The following TMEM132D variants were observed in gnomAD, a reference collection of about 807,000 sequenced individuals.
TMEM132D encodes mature OL transmembrane protein.
A neutral mutation model predicts 62.3 loss-of-function variants in TMEM132D; 21 were observed. That is an observed-to-expected ratio of 0.34 (90% CI 0.24 to 0.49). The LOEUF (loss-of-function observed/expected upper bound fraction) is 0.49. Among genes scored for constraint, TMEM132D ranks in the 20% least tolerant of loss-of-function variants. The pLI is 0.99. For synonymous variants in TMEM132D, 621 were observed against 575.6 expected, an observed-to-expected ratio of 1.08 and a Z score of -1.13; for missense variants, 1,346 against 1,402.8, an observed-to-expected ratio of 0.96 and a Z score of 0.65.
At chr12:129,519,346 A>T (rs1166305901) in intron 3 of TMEM132D, among the ~76,000 whole-genome samples, 1 of 152,122 alleles carries the variant, frequency 6.6e-6, no homozygotes, top group African/African-American at 2.4e-5. Context: ...TTCAAAATGT[A>T]CCCTGCCCTG....
At chr12:129,789,042 T>C (rs73429377) in intron 1 of TMEM132D, among the ~76,000 whole-genome samples, 14,690 of 152,228 alleles carry the variant, frequency 0.097, 947 homozygotes, top group African/African-American at 0.18. Flanking sequence ...AAATCACGGA[T>C]GGTTTTAATC....
chr12:129,308,066 T>C (rs1040263430), intron 4 of TMEM132D, among the ~76,000 whole-genome samples: 12 of 152,302 alleles, frequency 7.9e-5, no homozygotes, highest in African/African-American at 2.4e-4. Context: ...GCAACATCCA[T>C]ATCCTTTGCA....
intron 1 of TMEM132D, among the ~76,000 whole-genome samples, chr12:129,847,219 T>C (rs4340090): frequency 0.16 from 24,325 of 152,214 alleles, 2,154 homozygotes; most frequent in African/African-American, 0.24. Context: ...GGATGTTGAC[T>C]GGCCCATCTT....
chr12:129,623,410 G>A (rs1879124215), intron 2 of TMEM132D, among the ~76,000 whole-genome samples: 1 of 151,934 alleles, frequency 6.6e-6, no homozygotes, highest in Non-Finnish European at 1.5e-5. Context: ...CCCAGTAGGT[G>A]ATTTTTGTAT....
chr12:129,495,727 C>A (rs1272711268), intron 3 of TMEM132D, among the ~76,000 whole-genome samples: 1 of 152,052 alleles, frequency 6.6e-6, no homozygotes, highest in Non-Finnish European at 1.5e-5. Context: ...GTGCCGAAGG[C>A]TTTGACGGGG....
intron 4 of TMEM132D, among the ~76,000 whole-genome samples, chr12:129,222,216 C>G (rs1402054893): frequency 6.6e-6 from 1 of 152,228 alleles, no homozygotes. Flanking sequence ...TGCCTTCTCC[C>G]TGTGAGGCTG....
At chr12:129,205,653 TCAC>T (rs1878828721) in intron 5 of TMEM132D, among the ~76,000 whole-genome samples, 1 of 151,990 alleles carries the variant, frequency 6.6e-6, no homozygotes, top group South Asian at 2.1e-4. Flanking sequence ...ACTCAACACT[TCAC>T]CAAATGAACC....
At chr12:129,402,203 G>A (rs1057029234) in intron 3 of TMEM132D, among the ~76,000 whole-genome samples, 6 of 152,144 alleles carry the variant, frequency 3.9e-5, no homozygotes, top group Admixed American at 6.5e-5. Flanking sequence ...AGAGAAAGAC[G>A]GGGAACTCTT....
intron 2 of TMEM132D, among the ~76,000 whole-genome samples, chr12:129,690,524 A>C (rs1387220935): frequency 6.6e-6 from 1 of 152,172 alleles, no homozygotes; most frequent in Non-Finnish European, 1.5e-5. Context: ...TAACGATAAT[A>C]AATAAAAGCT....
rs1472417161 is a variant in TMEM132D, at chr12:129,088,711, G to A, written c.1444-4009C>T. Among the ~76,000 whole-genome samples the A allele has an allele frequency of 1.3e-4, 5 of 37,908 alleles. 1 individual carries two copies. The highest frequency in any genetic ancestry group is 7.7e-4 in the African/African-American group (4 of 5,180). 24.9% of individuals were successfully genotyped at this position (37,908 alleles called of 152,430 possible). On this transcript the variant is annotated intron_variant, in intron 5 of 8. Coordinates refer to ENST00000422113, the MANE Select transcript of TMEM132D (RefSeq NM_133448.3). ...CTATGACCGGGTGTCCTCCCTGACCGGGTGTCCTCCCTGACCGGGTGTCCT... is the reference window on the plus strand; with the variant it reads ...CTATGACCGGGTGTCCTCCCTGACCAGGTGTCCTCCCTGACCGGGTGTCCT...
intron 5 of TMEM132D, among the ~76,000 whole-genome samples, chr12:129,167,257 G>A (rs532761844): frequency 1.2e-4 from 18 of 151,934 alleles, no homozygotes; most frequent in Non-Finnish European, 1.8e-4. Flanking sequence ...GAGACGAGGA[G>A]GCCTCACCAT....
chr12:129,642,918 A>ATTTT (rs1879675796), intron 2 of TMEM132D, among the ~76,000 whole-genome samples: 1 of 106,140 alleles, frequency 9.4e-6, no homozygotes, highest in Admixed American at 1.0e-4. Context: ...GAATTTACAA[A>ATTTT]TCTTTTTTTT....
chr12:129,623,728 CATAT>C (rs1415936460), intron 2 of TMEM132D, among the ~76,000 whole-genome samples: 2 of 120,136 alleles, frequency 1.7e-5, no homozygotes, highest in East Asian at 4.6e-4. Context: ...TATATACATA[CATAT>C]ATACATATAT....
intron 5 of TMEM132D, among the ~76,000 whole-genome samples, chr12:129,093,593 A>C (rs1055557696): frequency 1.3e-5 from 2 of 152,242 alleles, no homozygotes; most frequent in Admixed American, 1.3e-4. Flanking sequence ...CAATATCGTG[A>C]AAATGGCCAT....
At chr12:129,654,945 T>C (rs1237450274) in intron 2 of TMEM132D, among the ~76,000 whole-genome samples, 3 of 152,144 alleles carry the variant, frequency 2.0e-5, no homozygotes, top group Non-Finnish European at 4.4e-5. Flanking sequence ...TTGAATTCCT[T>C]TTCTTTTTTT....
rs1189246696 is a variant in TMEM132D at position 129,760,977 on chromosome 12, C to T, written c.80-60279G>A. 2.0e-5 allele frequency among the ~76,000 whole-genome samples: 3 copies of T among 151,686 alleles called. No homozygotes were observed. In the East Asian group the frequency reaches 5.8e-4, roughly 29 times the overall value. On this transcript the variant is annotated intron_variant, in intron 1 of 8. Coordinates refer to ENST00000422113, the MANE Select transcript of TMEM132D (RefSeq NM_133448.3). Reference sequence around the variant, plus strand: ...GTTTCCAGCTTCATCCATGTCCCTGCAAAGGACACAACTGTTTCTTTATAA... The same window carrying T: ...GTTTCCAGCTTCATCCATGTCCCTGTAAAGGACACAACTGTTTCTTTATAA...
At chr12:129,891,082 C>T (rs890064803) in intron 1 of TMEM132D, among the ~76,000 whole-genome samples, 1 of 152,154 alleles carries the variant, frequency 6.6e-6, no homozygotes, top group African/African-American at 2.4e-5. Flanking sequence ...GGAGCCTCCT[C>T]TTCCCCGGTG....
intron 2 of TMEM132D, among the ~76,000 whole-genome samples, chr12:129,582,572 G>A (rs1877901368): frequency 6.6e-6 from 1 of 151,952 alleles, no homozygotes; most frequent in Admixed American, 6.6e-5. Context: ...GAGAACTTAG[G>A]TAAATAGTAT....
chr12:129,273,702 C>T (rs768142551), intron 4 of TMEM132D, among the ~76,000 whole-genome samples: 4 of 151,638 alleles, frequency 2.6e-5, no homozygotes, highest in Non-Finnish European at 5.9e-5. Flanking sequence ...CATTTATAAG[C>T]GGGAGCTAAT....
Sources: allele counts gnomAD v4.1 joint callset (sites outside exome capture counted in the v4.1 genomes callset), GRCh38; gene constraint gnomAD v4.1.1; transcripts MANE v1.5; gene names NCBI Gene and HGNC (gene_info 2026-07-23, HGNC 2026-07-21).